The following PBRM1 variants were observed in gnomAD, a reference collection of about 807,000 sequenced individuals.
PBRM1 encodes protein polybromo-1.
A neutral mutation model predicts 194.5 loss-of-function variants in PBRM1; 27 were observed. The observed-to-expected ratio is 0.14, with a 90% CI of 0.10 to 0.19. The LOEUF is 0.19. Ranked by LOEUF, PBRM1 falls within the 10% of genes least tolerant of loss-of-function variation. The pLI is 1.00. For synonymous variants in PBRM1, 655 were observed against 693.2 expected (o/e 0.94, Z 0.87); for missense variants, 1,466 against 2,077.2 (o/e 0.71, Z 5.72).
At chr3:52,678,886 G>A (rs929281878) in intron 1 of PBRM1, among the ~76,000 whole-genome samples, 3 of 152,130 alleles carry the variant, frequency 2.0e-5, no homozygotes, top group Non-Finnish European at 4.4e-5. Context: ...TCCAATTGAA[G>A]GGTTTTCTTC....
intron 17 of PBRM1, among the ~76,000 whole-genome samples, chr3:52,591,511 GTTTTTT>G (rs57736913): frequency 1.4e-5 from 1 of 71,840 alleles, no homozygotes; most frequent in Non-Finnish European, 2.5e-5. Context: ...TTTTGTCTTT[GTTTTTT>G]TTTTTTTTTT....
intron 18 of PBRM1, 24 bp from the exon 21 acceptor site, chr3:52,587,534 G>T: frequency 6.5e-7 from 1 of 1,540,738 alleles, no homozygotes; most frequent in Non-Finnish European, 8.8e-7. Flanking sequence ...GGTGGGGGAA[G>T]GGGAAGAGAA....
chr3:52,650,760 G>T (rs1425683322), intron 6 of PBRM1, among the ~76,000 whole-genome samples: 1 of 152,150 alleles, frequency 6.6e-6, no homozygotes, highest in South Asian at 2.1e-4. Context: ...AGAGGAAGCA[G>T]GCAAATCACC....
chr3:52,645,251 C>T lies in PBRM1; in HGVS notation c.814-462G>A, dbSNP rs140098678. Reference sequence around the variant, plus strand: ...TAACTTTTTGCAGTCTGAGGTGCAACAATAAAACTAGCAGAAACTTCTTTT... The same window carrying T: ...TAACTTTTTGCAGTCTGAGGTGCAATAATAAAACTAGCAGAAACTTCTTTT... On this transcript the variant is annotated intron_variant, in intron 7 of 29. Transcript: ENST00000296302. Among the ~76,000 whole-genome samples, 437 of 148,198 alleles carry T rather than the reference C, an allele frequency of 2.9e-3. 1 individual carries two copies. The highest frequency in any genetic ancestry group is 0.01 in the African/African-American group (414 of 40,186).
chr3:52,617,430 T>C (rs765150661), exon 14 of PBRM1: 5 of 1,613,764 alleles, frequency 3.1e-6, no homozygotes, highest in Non-Finnish European at 8.5e-7. Context: ...CCTTTTTGGA[T>C]GGTTTAACCA....
chr3:52,639,378 G>A (rs2095975936), intron 10 of PBRM1, among the ~76,000 whole-genome samples: 1 of 151,886 alleles, frequency 6.6e-6, no homozygotes, highest in Admixed American at 6.6e-5. Context: ...TTTTTATTAA[G>A]GGTTTTAACA....
chr3:52,645,496 C>T (rs2096264910), intron 7 of PBRM1, among the ~76,000 whole-genome samples: 1 of 150,714 alleles, frequency 6.6e-6, no homozygotes, highest in Admixed American at 6.6e-5. Context: ...TCTTAGCAAT[C>T]TCAGCATACC....
At chr3:52,674,479 CAAAA>C (rs34865590) in intron 2 of PBRM1, among the ~76,000 whole-genome samples, 1 of 61,338 alleles carries the variant, frequency 1.6e-5, no homozygotes, top group Non-Finnish European at 3.5e-5. Context: ...AACTCCATCT[CAAAA>C]AAAAAAAAAA....
intron 3 of PBRM1, among the ~76,000 whole-genome samples, chr3:52,667,179 T>C (rs2096856429): frequency 6.6e-6 from 1 of 152,176 alleles, no homozygotes; most frequent in South Asian, 2.1e-4. Flanking sequence ...TAAAGGCTTA[T>C]ATGAAAGACA....
intron 20 of PBRM1, among the ~76,000 whole-genome samples, chr3:52,582,646 A>G (rs1007153225): frequency 6.6e-6 from 1 of 152,198 alleles, no homozygotes; most frequent in South Asian, 2.1e-4. Flanking sequence ...TGCTTTTAAA[A>G]GAAATTATTT....
chr3:52,585,525 T>G (rs533416953), intron 20 of PBRM1: 1 of 152,272 alleles, frequency 6.6e-6, no homozygotes, highest in East Asian at 1.9e-4. Flanking sequence ...TCTTCCACAT[T>G]TATTTATTTA....
At chr3:52,563,299 G>C in exon 24 of PBRM1, 1 of 1,613,716 alleles carries the variant, frequency 6.2e-7, no homozygotes, top group Non-Finnish European at 8.5e-7. Flanking sequence ...GGGTGTGTAG[G>C]GCATGAGGTC....
chr3:52,576,459 CTAGAA>C, intron 22 of PBRM1, 77 bp downstream of exon 24: 1 of 1,112,232 alleles, frequency 9.0e-7, no homozygotes, highest in African/African-American at 1.6e-5. Flanking sequence ...TACCTAACAC[CTAGAA>C]CAGTGCCCCA....
At chr3:52,587,372 C>G in exon 19 of PBRM1, 1 of 1,609,102 alleles carries the variant, frequency 6.2e-7, no homozygotes, top group Non-Finnish European at 8.5e-7. Context: ...CATGACCACA[C>G]ACTTGCCTAG....
chr3:52,674,220 G>A (rs942932381), intron 2 of PBRM1, among the ~76,000 whole-genome samples: 6 of 151,980 alleles, frequency 3.9e-5, no homozygotes, highest in Middle Eastern at 3.4e-3. Context: ...GGTGGCTCAC[G>A]CCTGTAATGC....
intron 16 of PBRM1, among the ~76,000 whole-genome samples, chr3:52,607,473 A>G (rs2094407975): frequency 6.6e-6 from 1 of 152,228 alleles, no homozygotes; most frequent in African/African-American, 2.4e-5. Flanking sequence ...CTAGAGATAC[A>G]AATCTTAATT....
intron 22 of PBRM1, among the ~76,000 whole-genome samples, chr3:52,574,632 T>A (rs80176578): frequency 1.7e-3 from 262 of 152,300 alleles, no homozygotes; most frequent in Admixed American, 3.5e-3. Flanking sequence ...ATAGTGTACA[T>A]GCTCAGAAAG....
At chr3:52,576,721 T>C (rs765028876) in intron 21 of PBRM1, 23 bp from the exon 24 acceptor site, 1 of 1,557,770 alleles carries the variant, frequency 6.4e-7, no homozygotes, top group Non-Finnish European at 8.7e-7. Context: ...AATATATAAA[T>C]TACATTAAAA....
intron 20 of PBRM1, among the ~76,000 whole-genome samples, chr3:52,582,194 A>AC (rs1483167306): frequency 6.9e-6 from 1 of 144,662 alleles, no homozygotes; most frequent in East Asian, 2.3e-4. Context: ...GTGAGCTGAG[A>AC]TTGCGCCACT....
Sources: gnomAD v4.1 joint callset for allele counts (sites outside exome capture counted in the v4.1 genomes callset) on GRCh38, gnomAD v4.1.1 for gene constraint, MANE v1.5 for transcripts, NCBI Gene and HGNC (gene_info 2026-07-23, HGNC 2026-07-21) for gene names.